The following AKIRIN2 variants were observed in gnomAD, a reference collection of about 807,000 sequenced individuals.
The protein encoded by AKIRIN2 is akirin-2.
AKIRIN2 carries 6 observed loss-of-function variants against 29.3 expected under a neutral mutation model. The ratio of observed to expected loss-of-function variants is 0.20; its 90% CI spans 0.11 to 0.40. The LOEUF is 0.40. Among genes scored for constraint, AKIRIN2 ranks in the 10% least tolerant of loss-of-function variants. The pLI is 1.00. For synonymous variants in AKIRIN2, 128 were observed against 117.5 expected, an observed-to-expected ratio of 1.09 and a Z score of -0.58; for missense variants, 210 against 276.1, an observed-to-expected ratio of 0.76 and a Z score of 1.70.
intron 1 of AKIRIN2, among the ~76,000 whole-genome samples, chr6:87,682,104 TCA>T (rs1169828449): frequency 6.6e-6 from 1 of 152,246 alleles, no homozygotes; most frequent in Non-Finnish European, 1.5e-5. Context: ...CATTTATTCA[TCA>T]CATAGAACTA....
In AKIRIN2 at chr6:87,683,114, A is replaced by AT. The variant is rs1194953211; in HGVS notation, c.236-1352dup. On this transcript the variant is annotated intron_variant, in intron 1 of 4. Transcript: ENST00000257787. The stretch of plus-strand genomic sequence containing the variant: ...GGGAGGACAAATAAGTTCCTTAAAC[A>AT]TTTTAGATACTGCCTGTTTCATTAT... 2.0e-5 allele frequency among the ~76,000 whole-genome samples: 3 copies of AT among 152,172 alleles called. No individual in the cohort carries two copies. The East Asian group carries it at 5.8e-4, about 29-fold the overall frequency.
At chr6:87,698,098 T>C (rs1000235195) in intron 1 of AKIRIN2, among the ~76,000 whole-genome samples, 5 of 152,202 alleles carry the variant, frequency 3.3e-5, no homozygotes, top group African/African-American at 1.2e-4. Context: ...ACTTTGGTTT[T>C]CAACTAACTT....
intron 1 of AKIRIN2, among the ~76,000 whole-genome samples, chr6:87,687,584 C>T (rs528318018): frequency 6.6e-6 from 1 of 152,166 alleles, no homozygotes; most frequent in East Asian, 1.9e-4. Context: ...TCTTATCCAA[C>T]CAAGAGCTAT....
In AKIRIN2 at chr6:87,680,784, TTTA is replaced by T. The variant is rs1335817373; in HGVS notation, c.379+833_379+835del. ...CCCCGCCCCCCCCCTTTTTTTTTTT[TTTA>T]AAAAAAAGGAAGGTTATTTGCAAAC... On this transcript the variant is annotated intron_variant, in intron 2 of 4. Coordinates refer to ENST00000257787, the MANE Select transcript of AKIRIN2 (RefSeq NM_018064.4). Among the ~76,000 whole-genome samples, 52 of 124,986 alleles carry T rather than the reference TTTA, an allele frequency of 4.2e-4. 2 individuals are homozygous for T. The highest frequency in any genetic ancestry group is 1.3e-3 in the Admixed American group (17 of 12,602). 82.0% of individuals were successfully genotyped at this position (124,986 alleles called of 152,430 possible).
chr6:87,680,283 A>ATT (rs10563070), intron 2 of AKIRIN2, among the ~76,000 whole-genome samples: 1,308 of 79,566 alleles, frequency 0.016, 34 homozygotes, highest in African/African-American at 0.054. Context: ...ATGGTCTTTG[A>ATT]TTTTTTTTTT....
At chr6:87,686,193 C>T (rs1771183043) in intron 1 of AKIRIN2, among the ~76,000 whole-genome samples, 1 of 151,866 alleles carries the variant, frequency 6.6e-6, no homozygotes, top group Non-Finnish European at 1.5e-5. Flanking sequence ...GCAGCTTGGG[C>T]AACAAGAATG....
At chr6:87,680,079 A>C (rs1481747328) in intron 2 of AKIRIN2, among the ~76,000 whole-genome samples, 1 of 152,238 alleles carries the variant, frequency 6.6e-6, no homozygotes, top group African/African-American at 2.4e-5. Context: ...TTTGTTACTT[A>C]AGACTGCCAG....
intron 2 of AKIRIN2, 99 bp from the exon 3 acceptor site, chr6:87,678,066 T>C (rs1771053929): frequency 9.1e-7 from 1 of 1,098,784 alleles, no homozygotes; most frequent in Non-Finnish European, 1.2e-6. Flanking sequence ...TCAATCTTGA[T>C]ATAAAAGCAT....
chr6:87,699,108 T>C (rs1229058016), intron 1 of AKIRIN2, among the ~76,000 whole-genome samples: 4 of 152,206 alleles, frequency 2.6e-5, no homozygotes, highest in Non-Finnish European at 5.9e-5. Flanking sequence ...AACTACTCAT[T>C]TTAGTTAATG....
Position 87,701,803 on chromosome 6 carries a change from A to C in AKIRIN2, c.-119T>G, listed in dbSNP as rs550564843. 2 of 709,232 alleles carry C rather than the reference A, an allele frequency of 2.8e-6. No homozygotes were observed. The highest frequency in any genetic ancestry group is 4.1e-6 in the Non-Finnish European group (2 of 486,758). The allele number at this position is 709,232 out of a possible 1,614,324, so 43.9% of individuals were successfully genotyped here. A position where few individuals can be genotyped will look rare whatever the true frequency, so the allele number is the denominator to read the frequency against. The stretch of plus-strand genomic sequence containing the variant: ...GGAGAGCCTACCCGACGGGCTCAGG[A>C]GCCAAGCGGGTCGCGGAGCGCCGGC... On this transcript the variant is annotated 5_prime_UTR_variant, in exon 1 of 5. Coordinates refer to ENST00000257787, the MANE Select transcript of AKIRIN2 (RefSeq NM_018064.4).
At chr6:87,676,599 A>ACACGCACGCGCG (rs1183767205) in intron 3 of AKIRIN2, among the ~76,000 whole-genome samples, 1 of 25,002 alleles carries the variant, frequency 4.0e-5, no homozygotes, top group African/African-American at 7.9e-5. Context: ...TACTAAAAAC[A>ACACGCACGCGCG]CACACACACA....
intron 1 of AKIRIN2, among the ~76,000 whole-genome samples, chr6:87,689,672 T>C (rs1249890534): frequency 6.6e-6 from 1 of 152,220 alleles, no homozygotes; most frequent in Admixed American, 6.5e-5. Context: ...CAGCTGAAGA[T>C]TCAAAGTGAC....
chr6:87,689,307 G>C (rs1232537895), intron 1 of AKIRIN2, among the ~76,000 whole-genome samples: 4 of 152,286 alleles, frequency 2.6e-5, no homozygotes, highest in Admixed American at 2.6e-4. Context: ...TTCGAGACCT[G>C]CCTGGCCAAC....
At chr6:87,675,746 AC>A in intron 4 of AKIRIN2, 113 bp downstream of exon 4, 1 of 1,445,742 alleles carries the variant, frequency 6.9e-7, no homozygotes, top group South Asian at 1.2e-5. Flanking sequence ...TTTCCTCCAT[AC>A]ATTCTCAGTA....
At chr6:87,699,728 G>A (rs1022846690) in intron 1 of AKIRIN2, among the ~76,000 whole-genome samples, 7 of 152,124 alleles carry the variant, frequency 4.6e-5, no homozygotes, top group Non-Finnish European at 1.0e-4. Flanking sequence ...CGTTTACAAA[G>A]GATCACAATT....
Position 87,701,845 on chromosome 6 carries a change from G to T in AKIRIN2, c.-161C>A. On this transcript the variant is annotated 5_prime_UTR_variant, in exon 1 of 5. Coordinates refer to ENST00000257787, the MANE Select transcript of AKIRIN2 (RefSeq NM_018064.4). ...AGCGCCGGCTGTGGAAAGGAGAGCCGCTGCCGCCGCTGCCTCCGCGGCAGG... is the reference window on the plus strand; with the variant it reads ...AGCGCCGGCTGTGGAAAGGAGAGCCTCTGCCGCCGCTGCCTCCGCGGCAGG... 2.1e-6 allele frequency: 1 copy of T among 467,358 alleles called. No homozygotes were observed. The highest frequency in any genetic ancestry group is 2.0e-5 in the African/African-American group (1 of 49,290). 29.0% of individuals were successfully genotyped at this position (467,358 alleles called of 1,614,324 possible).
intron 1 of AKIRIN2, among the ~76,000 whole-genome samples, chr6:87,701,017 C>G (rs940081655): frequency 6.8e-6 from 1 of 147,662 alleles, no homozygotes; most frequent in South Asian, 2.1e-4. Flanking sequence ...ACCACCCAGT[C>G]CCAGAGTTAA....
rs1192624125 is a variant in AKIRIN2, at chr6:87,675,458, AAG to A, written c.*137_*138del. ...TTTCCAAAACCAGTTGCTGCTGCCT[AAG>A]AGTGGTTGCCACTGACGAAAGCTTG... On this transcript the variant is annotated 3_prime_UTR_variant, in exon 5 of 5. Transcript: ENST00000257787. 8.1e-5 allele frequency: 98 copies of A among 1,212,662 alleles called. 1 individual carries two copies. The East Asian group carries it at 2.4e-3, about 30-fold the overall frequency. 75.1% of individuals were successfully genotyped at this position (1,212,662 alleles called of 1,614,324 possible). A position where few individuals can be genotyped will look rare whatever the true frequency, so the allele number is the denominator to read the frequency against.
At chr6:87,683,165 C>T (rs1437825159) in intron 1 of AKIRIN2, among the ~76,000 whole-genome samples, 1 of 152,084 alleles carries the variant, frequency 6.6e-6, no homozygotes, top group African/African-American at 2.4e-5. Flanking sequence ...AGTGGCAAGA[C>T]ATATCCAGTT....
Sources: allele counts gnomAD v4.1 joint callset (sites outside exome capture counted in the v4.1 genomes callset), GRCh38; gene constraint gnomAD v4.1.1; transcripts MANE v1.5; gene names NCBI Gene and HGNC (gene_info 2026-07-23, HGNC 2026-07-21).